Variants in FGF14 observed in about 807,000 individuals in gnomAD.
FGF14 encodes the protein fibroblast growth factor homologous factor 4.
FGF14 carries 5 observed loss-of-function variants against 25.5 expected under a neutral mutation model. The ratio of observed to expected loss-of-function variants is 0.20; its 90% confidence interval spans 0.10 to 0.41. The LOEUF (loss-of-function observed/expected upper bound fraction) is 0.41. Ranked by LOEUF, FGF14 falls within the 10% of genes least tolerant of loss-of-function variation. The probability of loss-of-function intolerance (pLI) is 1.00; values close to 1 mark genes in which losing one functional copy is unlikely to be tolerated. For missense variants in FGF14, 222 were observed against 320.1 expected (o/e 0.69, Z 2.34); for synonymous variants, 138 against 118.3 (o/e 1.17, Z -1.08).
At chr13:101,723,235 G>A (rs2035121408) in intron 4 of FGF14, 2 of 467,920 alleles carry the variant, frequency 4.3e-6, no homozygotes, top group Non-Finnish European at 7.9e-6. Context: ...GTTTAAATGG[G>A]AGCTATGGCC....
intron 1 of FGF14, among the ~76,000 whole-genome samples, chr13:102,162,950 G>T (rs2047842519): frequency 6.6e-6 from 1 of 152,190 alleles, no homozygotes; most frequent in African/African-American, 2.4e-5. Context: ...CACTAAGGGA[G>T]AAAATGAATG....
rs373478263 is a variant in FGF14, at chr13:102,133,963, CA to C, written c.209-258668del. Among the ~76,000 whole-genome samples the C allele has an allele frequency of 1.5e-4, 23 of 152,286 alleles. 1 individual carries two copies. In the South Asian group the frequency reaches 4.8e-3, roughly 32 times the overall value. On this transcript the variant is annotated intron_variant, in intron 1 of 4. Coordinates refer to the FGF14 transcript ENST00000376131. ...CTTTCTACAAAACACACAAATTAAG[CA>C]AATATCTGAACACACCAACAAACAA...
chr13:102,330,814 A>G (rs1388408520), intron 1 of FGF14, among the ~76,000 whole-genome samples: 1 of 152,114 alleles, frequency 6.6e-6, no homozygotes, highest in Non-Finnish European at 1.5e-5. Flanking sequence ...GCATGTATTT[A>G]TTTCTTCACT....
chr13:101,878,560 C>A (rs555093627), intron 1 of FGF14, among the ~76,000 whole-genome samples: 135 of 151,888 alleles, frequency 8.9e-4, no homozygotes, highest in African/African-American at 3.1e-3. Context: ...AGAGGTGATA[C>A]GAATAAAATA....
chr13:101,870,423 TAATC>T (rs1418929466), intron 2 of FGF14, among the ~76,000 whole-genome samples: 2 of 152,200 alleles, frequency 1.3e-5, no homozygotes, highest in Non-Finnish European at 2.9e-5. Flanking sequence ...TACACTAACT[TAATC>T]AATTCAAATT....
At chr13:102,140,044 C>A (rs981826536) in intron 1 of FGF14, among the ~76,000 whole-genome samples, 1 of 82,170 alleles carries the variant, frequency 1.2e-5, no homozygotes, top group African/African-American at 5.0e-5. Flanking sequence ...CTCTTCAAGA[C>A]CCCCCCCCCC....
chr13:101,852,543 A>G (rs2043909163), intron 3 of FGF14, among the ~76,000 whole-genome samples: 2 of 152,104 alleles, frequency 1.3e-5, no homozygotes, highest in Admixed American at 1.3e-4. Flanking sequence ...GCACAGTCAT[A>G]ACACTTGAGT....
rs564553673 is a variant in FGF14 at position 101,943,722 on chromosome 13, C to T, written c.209-68426G>A. ...GGTGCAGTGGCTCACGCCTGTAATC[C>T]CAGCACTTTGGGAGGCCGAGACAGG... is the stretch of plus-strand genomic sequence containing the variant. On this transcript the variant is annotated intron_variant, in intron 1 of 4. Transcript: ENST00000376131. Among the ~76,000 whole-genome samples, 9 of 151,704 alleles carry T rather than the reference C, an allele frequency of 5.9e-5. No individual in the cohort carries two copies. In the South Asian group the frequency reaches 6.3e-4, roughly 11 times the overall value.
At chr13:102,396,331 G>A (rs981124866) in intron 1 of FGF14, among the ~76,000 whole-genome samples, 1 of 152,194 alleles carries the variant, frequency 6.6e-6, no homozygotes, top group Non-Finnish European at 1.5e-5. Context: ...CTGTTAGACT[G>A]TTCAAACAGC....
chr13:102,313,700 C>T (rs1386214927), intron 1 of FGF14, among the ~76,000 whole-genome samples: 2 of 152,050 alleles, frequency 1.3e-5, no homozygotes, highest in African/African-American at 4.8e-5. Context: ...CTATTTTCAG[C>T]CCCAACCCCA....
intron 1 of FGF14, among the ~76,000 whole-genome samples, chr13:102,132,983 A>T (rs1566727617): frequency 6.6e-6 from 1 of 152,226 alleles, no homozygotes; most frequent in Non-Finnish European, 1.5e-5. Context: ...CTCTGAAAAC[A>T]TAGCCACCAG....
chr13:102,224,865 C>T (rs1222072314), intron 1 of FGF14, among the ~76,000 whole-genome samples: 1 of 152,098 alleles, frequency 6.6e-6, no homozygotes, highest in Non-Finnish European at 1.5e-5. Context: ...ACACTGTAAT[C>T]TAAGTTGGTG....
At chr13:102,197,796 A>G (rs1012431967) in intron 1 of FGF14, among the ~76,000 whole-genome samples, 1 of 152,296 alleles carries the variant, frequency 6.6e-6, no homozygotes, top group South Asian at 2.1e-4. Flanking sequence ...AGCCCATCCA[A>G]AATAGTTTTA....
chr13:101,889,392 GA>G (rs1378521227), intron 1 of FGF14, among the ~76,000 whole-genome samples: 3 of 152,082 alleles, frequency 2.0e-5, no homozygotes, highest in African/African-American at 7.2e-5. Flanking sequence ...AGTATTTGAA[GA>G]AAGGAATTTG....
intron 1 of FGF14, among the ~76,000 whole-genome samples, chr13:102,384,945 T>C (rs1262519042): frequency 6.6e-6 from 1 of 152,194 alleles, no homozygotes; most frequent in Non-Finnish European, 1.5e-5. Context: ...CACCTTTTGT[T>C]CTTTTACATA....
chr13:101,952,412 A>C (rs1209378727), intron 1 of FGF14, among the ~76,000 whole-genome samples: 1 of 121,036 alleles, frequency 8.3e-6, no homozygotes, highest in East Asian at 2.8e-4. Context: ...GTTTTTGGCT[A>C]CTTTTTTTTT....
intron 3 of FGF14, among the ~76,000 whole-genome samples, chr13:101,808,076 G>T (rs949869184): frequency 8.6e-5 from 13 of 151,956 alleles, no homozygotes; most frequent in African/African-American, 3.1e-4. Flanking sequence ...CCCACACAGA[G>T]TTTAGCTCTG....
intron 1 of FGF14, among the ~76,000 whole-genome samples, chr13:101,969,175 G>C (rs1320716829): frequency 2.0e-5 from 3 of 152,186 alleles, no homozygotes; most frequent in African/African-American, 7.2e-5. Context: ...ACCTGTGCCA[G>C]CACTTAGCTC....
intron 1 of FGF14, among the ~76,000 whole-genome samples, chr13:101,944,730 T>C (rs1398875915): frequency 1.3e-5 from 2 of 152,166 alleles, no homozygotes; most frequent in Non-Finnish European, 2.9e-5. Context: ...TTCTGACTCA[T>C]GCTACAGCAT....
Sources: allele counts gnomAD v4.1 joint callset (sites outside exome capture counted in the v4.1 genomes callset), GRCh38; gene constraint gnomAD v4.1.1; transcripts MANE v1.5; gene names NCBI Gene and HGNC (gene_info 2026-07-23, HGNC 2026-07-21).